SLC25A26: variants seen among roughly 807,000 people sequenced by gnomAD.
SLC25A26 encodes mitochondrial S-adenosylmethionine carrier protein.
SLC25A26 carries 36 observed loss-of-function variants against 37.8 expected under a neutral mutation model. That is an observed-to-expected ratio of 0.95 (90% CI 0.73 to 1.26). SLC25A26 has a LOEUF of 1.26. Among genes scored for constraint, SLC25A26 ranks in the 50% most tolerant of loss-of-function variants. The pLI, the probability that SLC25A26 is intolerant of heterozygous loss-of-function variation, is 0.00. For synonymous variants in SLC25A26, 129 were observed against 122.5 expected, an observed-to-expected ratio of 1.05 and a Z score of -0.35; for missense variants, 390 against 331.1, an observed-to-expected ratio of 1.18 and a Z score of -1.38.
intron 1 of SLC25A26, among the ~76,000 whole-genome samples, chr3:66,144,966 G>A (rs966163583): frequency 2.0e-5 from 3 of 152,204 alleles, no homozygotes; most frequent in African/African-American, 4.8e-5. Flanking sequence ...CGCCAAAGAA[G>A]TAAGGTTTAC....
intron 1 of SLC25A26, among the ~76,000 whole-genome samples, chr3:66,204,701 T>C (rs2071155350): frequency 6.6e-6 from 1 of 152,176 alleles, no homozygotes; most frequent in South Asian, 2.1e-4. Flanking sequence ...AGTTGAGAAA[T>C]GACTTTGTTG....
intron 5 of SLC25A26, among the ~76,000 whole-genome samples, chr3:66,300,251 G>T (rs200368268): frequency 0.014 from 1,591 of 111,316 alleles, 45 homozygotes; most frequent in African/African-American, 0.046. Flanking sequence ...GGGTTTTTTT[G>T]TTTTGTTTTT....
At position 66,357,221 on chromosome 3, in the gene SLC25A26, C is replaced by G. The variant is rs200216657; in HGVS notation, c.499-5639C>G. ...TTGAGATCAGGAGTTTGAGACTACC[C>G]TGGGCAAACATAGCAAGATGCTGCC... On this transcript the variant is annotated intron_variant, in intron 6 of 9. Coordinates refer to ENST00000354883, the MANE Select transcript of SLC25A26 (RefSeq NM_001379210.1). Among the ~76,000 whole-genome samples the G allele has an allele frequency of 3.4e-4, 51 of 152,210 alleles. No homozygotes were observed. The East Asian group carries it at 8.9e-3, about 27-fold the overall frequency.
intron 1 of SLC25A26, among the ~76,000 whole-genome samples, chr3:66,225,691 T>G (rs2071712637): frequency 6.6e-6 from 1 of 152,190 alleles, no homozygotes; most frequent in Non-Finnish European, 1.5e-5. Flanking sequence ...AGGCTGCAAA[T>G]TTTCCAAACT....
intron 9 of SLC25A26, among the ~76,000 whole-genome samples, chr3:66,376,052 T>A (rs1700631318): frequency 6.7e-6 from 1 of 148,378 alleles, no homozygotes. Context: ...GGGAAACACA[T>A]ACTAGATGTA....
chr3:66,186,878 C>G (rs1441008544), intron 1 of SLC25A26, among the ~76,000 whole-genome samples: 2 of 152,180 alleles, frequency 1.3e-5, no homozygotes, highest in African/African-American at 4.8e-5. Flanking sequence ...TAACCCTGAC[C>G]TGACCATGTC....
intron 6 of SLC25A26, among the ~76,000 whole-genome samples, chr3:66,351,576 C>T (rs2076454704): frequency 6.6e-6 from 1 of 152,072 alleles, no homozygotes; most frequent in Non-Finnish European, 1.5e-5. Flanking sequence ...CCATGGCAAG[C>T]CCCTTCCTCT....
chr3:66,221,274 G>T, intron 1 of SLC25A26, 147 bp downstream of exon 1: 1 of 831,410 alleles, frequency 1.2e-6, no homozygotes, highest in Non-Finnish European at 1.8e-6. Flanking sequence ...GGGAGCACGA[G>T]GCTCCCAGGC....
At chr3:66,210,643 G>T (rs1344308712) in intron 1 of SLC25A26, among the ~76,000 whole-genome samples, 1 of 152,080 alleles carries the variant, frequency 6.6e-6, no homozygotes, top group African/African-American at 2.4e-5. Flanking sequence ...CTCTCGAGTA[G>T]TTGGGGCTAT....
chr3:66,183,195 C>G (rs143762647), intron 1 of SLC25A26, among the ~76,000 whole-genome samples: 11,085 of 151,926 alleles, frequency 0.073, 537 homozygotes, highest in East Asian at 0.13. Context: ...TTTCGCTGAC[C>G]CTGACCCTGA....
intron 6 of SLC25A26, among the ~76,000 whole-genome samples, chr3:66,352,778 C>G (rs977154453): frequency 3.3e-5 from 5 of 151,916 alleles, no homozygotes; most frequent in Admixed American, 2.6e-4. Context: ...TCTCTCCATC[C>G]CCCTTCCCCA....
intron 1 of SLC25A26, among the ~76,000 whole-genome samples, chr3:66,163,329 G>T (rs1162801714): frequency 6.6e-6 from 1 of 152,176 alleles, no homozygotes; most frequent in African/African-American, 2.4e-5. Flanking sequence ...ACGTGTTGCA[G>T]AGAACCACTC....
intron 5 of SLC25A26, among the ~76,000 whole-genome samples, chr3:66,301,937 C>T (rs2075087189): frequency 6.6e-6 from 1 of 152,154 alleles, no homozygotes; most frequent in Non-Finnish European, 1.5e-5. Context: ...ATACCAACCT[C>T]ATAAGGTTGT....
intron 1 of SLC25A26, among the ~76,000 whole-genome samples, chr3:66,158,656 G>T (rs1197488725): frequency 1.3e-5 from 2 of 152,118 alleles, no homozygotes; most frequent in East Asian, 3.9e-4. Flanking sequence ...ATTCACGCAG[G>T]CATTGAGTTC....
chr3:66,156,887 C>G lies in SLC25A26; in HGVS notation c.-354+22903C>G, dbSNP rs573889747. ...GGCCTCTTAGACTTTTCCCAACAGG[C>G]TTCCATGGAAAGGATGCAACTAACT... On this transcript the variant is annotated intron_variant, in intron 1 of 10. Transcript: ENST00000676754. Among the ~76,000 whole-genome samples the G allele has an allele frequency of 6.6e-5, 10 of 152,192 alleles. 1 individual carries two copies. The South Asian group carries it at 1.7e-3, about 25-fold the overall frequency.
At chr3:66,346,122 G>C (rs1398418037) in intron 5 of SLC25A26, among the ~76,000 whole-genome samples, 9 of 152,208 alleles carry the variant, frequency 5.9e-5, no homozygotes, top group Admixed American at 5.9e-4. Flanking sequence ...GTGAGCCTGG[G>C]AGGTCGAGGG....
chr3:66,340,433 A>G (rs1256360309), intron 5 of SLC25A26, among the ~76,000 whole-genome samples: 1 of 152,090 alleles, frequency 6.6e-6, no homozygotes, highest in African/African-American at 2.4e-5. Flanking sequence ...TAATTTTTCT[A>G]AAGTTTTTTT....
At chr3:66,286,371 T>G (rs920857684) in intron 5 of SLC25A26, among the ~76,000 whole-genome samples, 5 of 152,172 alleles carry the variant, frequency 3.3e-5, no homozygotes, top group Non-Finnish European at 5.9e-5. Flanking sequence ...GATTTTTATT[T>G]AAGGGGTGAG....
chr3:66,256,336 A>C (rs1160864630), intron 3 of SLC25A26, among the ~76,000 whole-genome samples: 1 of 152,096 alleles, frequency 6.6e-6, no homozygotes, highest in Non-Finnish European at 1.5e-5. Context: ...CCTTTTTATC[A>C]AGGCTGATAG....
Sources: allele counts gnomAD v4.1 joint callset (sites outside exome capture counted in the v4.1 genomes callset), GRCh38; gene constraint gnomAD v4.1.1; transcripts MANE v1.5; gene names NCBI Gene and HGNC (gene_info 2026-07-23, HGNC 2026-07-21).